Variants in IQCH observed in about 807,000 individuals in gnomAD.
IQCH encodes the protein IQ domain-containing protein H.
IQCH carries 98 observed loss-of-function variants against 117.0 expected under a neutral mutation model. The ratio of observed to expected loss-of-function variants is 0.84; its 90% CI spans 0.71 to 0.99. The LOEUF is 0.99. Ranked by LOEUF, IQCH falls within the 50% of genes least tolerant of loss-of-function variation. The probability of loss-of-function intolerance (pLI) is 0.00; values close to 1 mark genes in which losing one functional copy is unlikely to be tolerated. For missense variants in IQCH, 1,102 were observed against 1,243.8 expected (o/e 0.89, Z 1.72); for synonymous variants, 412 against 448.2 (o/e 0.92, Z 1.02).
intron 18 of IQCH, among the ~76,000 whole-genome samples, chr15:67,483,672 G>A (rs1178742379): frequency 2.0e-5 from 3 of 152,006 alleles, no homozygotes; most frequent in Admixed American, 6.6e-5. Flanking sequence ...TGATCCGCCC[G>A]CCTCGGCCTC....
At chr15:67,468,126 T>C (rs1242980520) in intron 17 of IQCH, among the ~76,000 whole-genome samples, 4 of 152,236 alleles carry the variant, frequency 2.6e-5, no homozygotes, top group African/African-American at 9.6e-5. Context: ...TTTCAATTAA[T>C]GTTCTGTCCA....
intron 13 of IQCH, among the ~76,000 whole-genome samples, 179 bp from the exon 14 acceptor site, chr15:67,399,935 C>T (rs920875279): frequency 7.2e-5 from 11 of 152,260 alleles, no homozygotes; most frequent in African/African-American, 2.4e-4. Flanking sequence ...ATGGTTTCTT[C>T]GCATCATATT....
rs1490309733 is a variant in IQCH, at chr15:67,376,970, A to C, written c.1372+3537A>C. 7.2e-5 allele frequency among the ~76,000 whole-genome samples: 11 copies of C among 152,180 alleles called. No homozygotes were observed. Among genetic ancestry groups the C allele is most frequent in the African/African-American group, 2.6e-4 (11 of 41,514 alleles). On this transcript the variant is annotated intron_variant, in intron 10 of 20. Coordinates refer to ENST00000335894, the MANE Select transcript of IQCH (RefSeq NM_001031715.3). This position sits in a 1 kb window ranked among gnomAD's most constrained non-coding sequence, Gnocchi z 5.0. ...CGTCTCTACTAAAAATACAAAAATT[A>C]GCTGGGTGTGGTGGCACGCACCTGT...
rs1970271275 is a variant in IQCH at position 67,364,690 on chromosome 15, A to G, written c.753+4805A>G. Among the ~76,000 whole-genome samples, 1 of 152,072 alleles carries G rather than the reference A, an allele frequency of 6.6e-6. No individual in the cohort carries two copies. Among genetic ancestry groups the G allele is most frequent in the South Asian group, 2.1e-4 (1 of 4,820 alleles). On this transcript the variant is annotated intron_variant, in intron 8 of 20. Coordinates refer to ENST00000335894, the MANE Select transcript of IQCH (RefSeq NM_001031715.3). The surrounding 1 kb of genome is among the most constrained non-coding windows in gnomAD (Gnocchi z 4.1). ...GAAAAGAGAAAAAAAGTATAGAAGG[A>G]TTTTTTTCCCCATATCACAATCCTT... is the stretch of plus-strand genomic sequence containing the variant.
intron 4 of IQCH, among the ~76,000 whole-genome samples, chr15:67,297,523 C>A (rs544701165): frequency 6.6e-6 from 1 of 152,142 alleles, no homozygotes; most frequent in Non-Finnish European, 1.5e-5. Context: ...TCTCAAATCT[C>A]TTCTGATTCA....
rs912106425 is a variant in IQCH at position 67,453,257 on chromosome 15, G to A, written c.2506-11870G>A. ...GTCATTCTCCATCCAGCTTTGTTCC[G>A]TTGCTGGTGAGGAGCTGCGTTCCTT... On this transcript the variant is annotated intron_variant, in intron 16 of 20. Coordinates refer to ENST00000335894, the MANE Select transcript of IQCH (RefSeq NM_001031715.3). This position sits in a 1 kb window ranked among gnomAD's most constrained non-coding sequence, Gnocchi z 5.8. Among the ~76,000 whole-genome samples the A allele has an allele frequency of 9.2e-5, 14 of 152,126 alleles. No individual in the cohort carries two copies. Among genetic ancestry groups the A allele is most frequent in the South Asian group, 4.1e-4 (2 of 4,828 alleles).
At chr15:67,468,788 T>C (rs1163307014) in intron 17 of IQCH, among the ~76,000 whole-genome samples, 4 of 152,250 alleles carry the variant, frequency 2.6e-5, no homozygotes, top group Admixed American at 6.5e-5. Context: ...GGAAGCTCCT[T>C]TTTTAAGTTA....
chr15:67,279,402 C>G lies in IQCH; in HGVS notation c.277C>G (p.Pro93Ala). 1 of 1,573,376 alleles carries G rather than the reference C, an allele frequency of 6.4e-7. No individual in the cohort carries two copies. Among genetic ancestry groups the G allele is most frequent in the African/African-American group, 1.4e-5 (1 of 73,950 alleles). The change falls in exon 4 of 21, where the codon CCA becomes GCA. Residue 93 changes from proline (P) to alanine (A), a missense_variant. By Grantham distance (27) the Pro-to-Ala change is conservative (BLOSUM62 -1). This residue lies in a region of IQCH where 452 missense variants were observed against 449.6 expected (regional missense o/e 1.01). Coordinates refer to ENST00000335894, the MANE Select transcript of IQCH (RefSeq NM_001031715.3). ...CCATTTCTTCTTACTTAGGTTACTT[C>G]CAACTGTAATTGATCAGAAATCATT... Reference protein sequence around the residue: ...YTPQASKWLLPTVIDQKSFIF... With the variant: ...YTPQASKWLLATVIDQKSFIF...
In IQCH at chr15:67,407,771, G is replaced by A. The variant is rs964965833; in HGVS notation, c.2097+7466G>A. 9 of 152,308 alleles carry A rather than the reference G, an allele frequency of 5.9e-5. No individual in the cohort carries two copies. Among genetic ancestry groups the A allele is most frequent in the East Asian group, 3.9e-4 (2 of 5,186 alleles). The allele number at this position is 152,308 out of a possible 1,614,324, so 9.4% of individuals were successfully genotyped here. A position where few individuals can be genotyped will look rare whatever the true frequency, so the allele number is the denominator to read the frequency against. On this transcript the variant is annotated intron_variant, in intron 14 of 20. Transcript: ENST00000335894. The surrounding 1 kb of genome is among the most constrained non-coding windows in gnomAD (Gnocchi z 5.3). ...TAGGTAATCATTGTCTACTGCAAGC[G>A]TGCTGTTTGTACCTTTTATTTTATT...
intron 8 of IQCH, among the ~76,000 whole-genome samples, chr15:67,361,442 T>C (rs1274323711): frequency 6.6e-6 from 1 of 152,250 alleles, no homozygotes; most frequent in Non-Finnish European, 1.5e-5. Flanking sequence ...AACTGGACTA[T>C]GTAACTACCA....
In IQCH at chr15:67,400,193, G is replaced by T. The variant is rs146418351; in HGVS notation, c.1985G>T (p.Arg662Leu). 1 of 1,613,690 alleles carries T rather than the reference G, an allele frequency of 6.2e-7. No individual in the cohort carries two copies. Among genetic ancestry groups the T allele is most frequent in the African/African-American group, 1.3e-5 (1 of 75,028 alleles). ...CTCTTTAAAATGGACTCTGAGTTCCGAGGAAATGGGACTGCATTTTGTGAT... is the reference window on the plus strand; with the variant it reads ...CTCTTTAAAATGGACTCTGAGTTCCTAGGAAATGGGACTGCATTTTGTGAT... Reference protein sequence around the residue: ...RWLFKMDSEFRGNGTAFCDIP... With the variant: ...RWLFKMDSEFLGNGTAFCDIP... The change falls in exon 14 of 21, where the codon CGA becomes CTA. Residue 662 changes from arginine to leucine, a missense_variant. Arg to Leu is a moderately radical substitution (Grantham distance 102). Coordinates refer to ENST00000335894, the MANE Select transcript of IQCH (RefSeq NM_001031715.3).
chr15:67,410,691 T>A (rs1160355438), intron 14 of IQCH, among the ~76,000 whole-genome samples: 1 of 152,188 alleles, frequency 6.6e-6, no homozygotes, highest in African/African-American at 2.4e-5. Flanking sequence ...TAGTTAGGCA[T>A]GGGGAAAGTA....
Position 67,439,018 on chromosome 15 carries a change from A to C in IQCH, c.2505+17441A>C, listed in dbSNP as rs551333387. ...GGTCATCAAGACAGAAAGTCAACAA[A>C]TAAATAATGGATTTAAACTATACCT... On this transcript the variant is annotated intron_variant, in intron 16 of 20. Transcript: ENST00000335894. 2.0e-5 allele frequency among the ~76,000 whole-genome samples: 3 copies of C among 152,372 alleles called. No individual in the cohort carries two copies. In the East Asian group the frequency reaches 5.8e-4, roughly 29 times the overall value.
At chr15:67,277,691 G>C (rs143520615) in intron 3 of IQCH, among the ~76,000 whole-genome samples, 1 of 151,974 alleles carries the variant, frequency 6.6e-6, no homozygotes, top group African/African-American at 2.4e-5. Flanking sequence ...ATGCCACCAC[G>C]CCTGGCTAAT....
At chr15:67,333,734 C>T (rs1361759423) in intron 4 of IQCH, among the ~76,000 whole-genome samples, 1 of 152,082 alleles carries the variant, frequency 6.6e-6, no homozygotes, top group African/African-American at 2.4e-5. Context: ...CTGTTTTCTT[C>T]TTTAAGCTTT....
rs1015575514 is a variant in IQCH at position 67,417,187 on chromosome 15, T to C, written c.2218+136T>C. On this transcript the variant is annotated intron_variant, in intron 15 of 20. Transcript: ENST00000335894. This position sits in a 1 kb window ranked among gnomAD's most constrained non-coding sequence, Gnocchi z 4.3. The stretch of plus-strand genomic sequence containing the variant: ...GAAAAGTGCTCCTACGGTTTTCTTT[T>C]TCAAATGTTGCCTAAATATTTATCT... The C allele has an allele frequency of 4.9e-5, 31 of 636,508 alleles. 1 individual carries two copies. Among genetic ancestry groups the C allele is most frequent in the African/African-American group, 1.7e-4 (9 of 52,484 alleles). 39.4% of individuals were successfully genotyped at this position (636,508 alleles called of 1,614,324 possible).
chr15:67,334,723 A>G (rs1183683850), intron 4 of IQCH, among the ~76,000 whole-genome samples: 2 of 152,194 alleles, frequency 1.3e-5, no homozygotes, highest in African/African-American at 2.4e-5. Flanking sequence ...AGCGATTCTA[A>G]TATACAGCCA....
chr15:67,484,656 G>A (rs1177832488), intron 18 of IQCH, among the ~76,000 whole-genome samples: 4 of 150,838 alleles, frequency 2.7e-5, no homozygotes, highest in African/African-American at 9.8e-5. Flanking sequence ...TAGGAGAATT[G>A]CTTGAACTCA....
rs1971875570 is a variant in IQCH, at chr15:67,405,823, G to A, written c.2097+5518G>A. ...GCTTTCTGCTTTCCAGAGATTTGTG[G>A]GAAACGCAAATATTCCTGGAACACA... On this transcript the variant is annotated intron_variant, in intron 14 of 20. Coordinates refer to ENST00000335894, the MANE Select transcript of IQCH (RefSeq NM_001031715.3). This position sits in a 1 kb window ranked among gnomAD's most constrained non-coding sequence, Gnocchi z 4.8. 1 of 152,180 alleles carries A rather than the reference G, an allele frequency of 6.6e-6. No homozygotes were observed. The highest frequency in any genetic ancestry group is 2.4e-5 in the African/African-American group (1 of 41,440). The allele number at this position is 152,180 out of a possible 1,614,324, so 9.4% of individuals were successfully genotyped here. A position where few individuals can be genotyped will look rare whatever the true frequency, so the allele number is the denominator to read the frequency against.
Sources: gnomAD v4.1 joint callset for allele counts (sites outside exome capture counted in the v4.1 genomes callset) on GRCh38, gnomAD v4.1.1 for gene constraint, gnomAD v4.1.1 regional missense constraint, Gnocchi (gnomAD v3.1) non-coding constraint, MANE v1.5 for transcripts, NCBI Gene and HGNC (gene_info 2026-07-23, HGNC 2026-07-21) for gene names.